ALKBH8: variants seen among roughly 807,000 people sequenced by gnomAD.
The protein encoded by ALKBH8 is tRNA (carboxymethyluridine(34)-5-O)-methyltransferase ALKBH8.
Under a neutral mutation model 59.8 loss-of-function variants are expected in ALKBH8, and 36 were observed. The observed-to-expected ratio is 0.60, with a 90% CI of 0.46 to 0.79. The LOEUF (loss-of-function observed/expected upper bound fraction) is 0.79. ALKBH8 is among the 30% of genes least tolerant of loss of function. The probability of loss-of-function intolerance (pLI) is 0.00; values close to 1 mark genes in which losing one functional copy is unlikely to be tolerated. For synonymous variants in ALKBH8, 276 were observed against 273.6 expected, an observed-to-expected ratio of 1.01 and a Z score of -0.09; for missense variants, 768 against 801.0, an observed-to-expected ratio of 0.96 and a Z score of 0.50.
At position 107,556,951 on chromosome 11, in the gene ALKBH8, A is replaced by G; in HGVS notation, c.182T>C (p.Leu61Pro). ...TCCACATTTCTCTAAAACCGGGAGC[A>G]GCTGGTTCCGACTCACACCATTACC... ...GLGNGVSRNQLLPVLEKCGLV... is the reference protein window; with the variant it reads ...GLGNGVSRNQPLPVLEKCGLV... The change falls in exon 3 of 12, where the codon CTG becomes CCG. Residue 61 changes from leucine (L) to proline (P), a missense_variant. Transcript: ENST00000428149. 2 of 1,611,310 alleles carry G rather than the reference A, an allele frequency of 1.2e-6. No individual in the cohort carries two copies. Among genetic ancestry groups the G allele is most frequent in the Non-Finnish European group, 1.7e-6 (2 of 1,178,604 alleles).
chr11:107,563,456 GTTTC>G (rs1169267072), intron 1 of ALKBH8: 2 of 152,102 alleles, frequency 1.3e-5, no homozygotes, highest in African/African-American at 2.4e-5. Flanking sequence ...CTGTGTTCCA[GTTTC>G]TTTATCTAGG....
intron 7 of ALKBH8, among the ~76,000 whole-genome samples, chr11:107,547,334 C>T (rs541751528): frequency 6.6e-6 from 1 of 152,274 alleles, no homozygotes; most frequent in East Asian, 1.9e-4. Flanking sequence ...GCACAAGTTG[C>T]AAGAGTGGAA....
intron 7 of ALKBH8, among the ~76,000 whole-genome samples, chr11:107,538,285 A>T (rs1013646093): frequency 6.6e-6 from 1 of 152,046 alleles, no homozygotes; most frequent in African/African-American, 2.4e-5. Flanking sequence ...TGAAAATTAC[A>T]TTTTTCCTAC....
intron 11 of ALKBH8, 38 bp from the exon 12 acceptor site, chr11:107,505,253 G>A: frequency 6.9e-7 from 1 of 1,452,116 alleles, no homozygotes; most frequent in East Asian, 2.5e-5. Flanking sequence ...CAACCTGGAA[G>A]AGACAGGAAA....
intron 7 of ALKBH8, among the ~76,000 whole-genome samples, chr11:107,546,688 T>A (rs1864271450): frequency 6.6e-6 from 1 of 152,198 alleles, no homozygotes; most frequent in African/African-American, 2.4e-5. Context: ...TTTTCTGCTG[T>A]TAATTGCAGC....
At chr11:107,505,554 A>G (rs890980156) in intron 11 of ALKBH8, among the ~76,000 whole-genome samples, 7 of 152,244 alleles carry the variant, frequency 4.6e-5, no homozygotes, top group Non-Finnish European at 7.3e-5. Flanking sequence ...AATCATTTAT[A>G]TAATGCTTTT....
Position 107,556,950 on chromosome 11 carries a change from C to G in ALKBH8, c.183G>C (p.Leu61=), listed in dbSNP as rs199545574. The change falls in exon 3 of 12, where the codon CTG becomes CTC. Residue 61 remains leucine (L), a synonymous_variant. Coordinates refer to ENST00000428149, the MANE Select transcript of ALKBH8 (RefSeq NM_138775.3). ...GLGNGVSRNQ[L]LPVLEKCGLV... ...GTCCACATTTCTCTAAAACCGGGAG[C>G]AGCTGGTTCCGACTCACACCATTAC... 4.1e-4 allele frequency: 660 copies of G among 1,610,808 alleles called. 7 individuals carry two copies. The South Asian group carries it at 5.9e-3, about 14-fold the overall frequency.
chr11:107,522,456 T>A lies in ALKBH8; in HGVS notation c.1130A>T (p.Gln377Leu), dbSNP rs770811496. The A allele has an allele frequency of 1.9e-6, 3 of 1,551,794 alleles. No individual in the cohort carries two copies. The South Asian group carries it at 3.6e-5, about 18-fold the overall frequency. ...GTGCCCAGCAATCTCTTCATAAACC[T>A]GATGGACGTACTCTTGCTCCAGCCG... ...ASRLEQEYVHQVYEEIAGHFS... is the reference protein window; with the variant it reads ...ASRLEQEYVHLVYEEIAGHFS... The change falls in exon 10 of 12, where the codon CAG becomes CTG. Residue 377 changes from glutamine (Q) to leucine (L), a missense_variant. Physicochemically the swap from Gln to Leu is moderately radical, Grantham distance 113. Transcript: ENST00000428149.
Position 107,539,395 on chromosome 11 carries a change from T to A in ALKBH8, c.772-6989A>T, listed in dbSNP as rs553030180. Among the ~76,000 whole-genome samples the A allele has an allele frequency of 1.3e-3, 199 of 151,928 alleles. 1 individual carries two copies. The highest frequency in any genetic ancestry group is 2.5e-3 in the Non-Finnish European group (167 of 67,932). On this transcript the variant is annotated intron_variant, in intron 7 of 11. Coordinates refer to ENST00000428149, the MANE Select transcript of ALKBH8 (RefSeq NM_138775.3). ...TGGGCAGATTACTTGAGGTCAGGAG[T>A]TTGAGACCAGCCTGGCCAACATGGT...
At chr11:107,521,946 G>A (rs1194323642) in intron 10 of ALKBH8, among the ~76,000 whole-genome samples, 7 of 152,028 alleles carry the variant, frequency 4.6e-5, no homozygotes, top group Non-Finnish European at 5.9e-5. Context: ...TACAAAAGAT[G>A]GATGAAAATA....
chr11:107,532,360 A>G lies in ALKBH8; in HGVS notation c.818T>C (p.Met273Thr). 2.5e-6 allele frequency: 4 copies of G among 1,613,782 alleles called. No individual in the cohort carries two copies. The highest frequency in any genetic ancestry group is 4.5e-5 in the East Asian group (2 of 44,854). ...KHPDGIAVPV[M>T]LPRRSLLVMT... ...CACCAGCAAACTCCGACGAGGCAAC[A>G]TAACTGGCACTGCAATGCCATCTGG... Residue 273 changes from methionine (M) to threonine (T), a missense_variant, in exon 8 of 12, where the codon ATG (methionine) becomes ACG (threonine). Transcript: ENST00000428149.
intron 2 of ALKBH8, among the ~76,000 whole-genome samples, chr11:107,558,006 T>C (rs545324799): frequency 7.7e-4 from 117 of 152,330 alleles, no homozygotes; most frequent in African/African-American, 2.7e-3. Flanking sequence ...AGGTAGATAG[T>C]AAATATTTTA....
rs377490154 is a variant in ALKBH8, at chr11:107,553,843, T to C, written c.499+4A>G. On this transcript the variant is annotated splice_donor_region_variant and intron_variant, in intron 4 of 11. Transcript: ENST00000428149. ...AAATATCAGATTTTGAAAGTTTTAC[T>C]TACAGTTTTGATTGTCTGTATCTTC... 5.4e-5 allele frequency: 86 copies of C among 1,606,798 alleles called. No individual in the cohort carries two copies. Among genetic ancestry groups the C allele is most frequent in the Non-Finnish European group, 7.0e-5 (82 of 1,177,716 alleles).
Position 107,505,011 on chromosome 11 carries a change from T to A in ALKBH8, c.1642A>T (p.Met548Leu), listed in dbSNP as rs989864551. The A allele has an allele frequency of 6.4e-7, 1 of 1,551,700 alleles. No individual in the cohort carries two copies. Among genetic ancestry groups the A allele is most frequent in the Non-Finnish European group, 8.7e-7 (1 of 1,146,980 alleles). ...GAAGATGCCGAGTCTCGACTGCCCA[T>A]GTCACGCATTTGCTCCACAAGTGAC... is the stretch of plus-strand genomic sequence containing the variant. Reference protein sequence around the residue: ...QRSLVEQMRDMGSRDSASSVP... With the variant: ...QRSLVEQMRDLGSRDSASSVP... The change falls in exon 12 of 12, where the codon ATG (methionine) becomes TTG (leucine). Residue 548 changes from methionine to leucine, a missense_variant. Coordinates refer to ENST00000428149, the MANE Select transcript of ALKBH8 (RefSeq NM_138775.3).
intron 11 of ALKBH8, among the ~76,000 whole-genome samples, chr11:107,507,427 T>A (rs574610058): frequency 1.3e-5 from 2 of 152,176 alleles, no homozygotes; most frequent in East Asian, 1.9e-4. Context: ...TTTTCCAAGT[T>A]GGGTTTAAGG....
Position 107,504,636 on chromosome 11 carries a change from T to C in ALKBH8, c.*22A>G. 1.3e-6 allele frequency: 2 copies of C among 1,539,168 alleles called. No individual in the cohort carries two copies. Among genetic ancestry groups the C allele is most frequent in the South Asian group, 1.2e-5 (1 of 81,898 alleles). ...TTTAAGTGAGCATTTCTTCTTTATA[T>C]ATGATGTGTTCAGGTAAATAATCAG... On this transcript the variant is annotated 3_prime_UTR_variant, in exon 12 of 12. Coordinates refer to ENST00000428149, the MANE Select transcript of ALKBH8 (RefSeq NM_138775.3).
intron 8 of ALKBH8, among the ~76,000 whole-genome samples, chr11:107,530,600 A>AACACACACACAC (rs66736211): frequency 2.8e-4 from 37 of 132,194 alleles, no homozygotes; most frequent in East Asian, 2.0e-3. Context: ...CTCTCTTCCT[A>AACACACACACAC]ACACACACAC....
chr11:107,545,886 C>A (rs604395), intron 7 of ALKBH8, among the ~76,000 whole-genome samples: 1 of 151,968 alleles, frequency 6.6e-6, no homozygotes, highest in African/African-American at 2.4e-5. Flanking sequence ...CATTAAACAT[C>A]TGAAAATCTG....
At chr11:107,531,714 C>T (rs1863602449) in intron 8 of ALKBH8, among the ~76,000 whole-genome samples, 1 of 152,204 alleles carries the variant, frequency 6.6e-6, no homozygotes, top group Non-Finnish European at 1.5e-5. Context: ...GCTTGGCCAA[C>T]TTTTTCTGTA....
Sources: gnomAD v4.1 joint callset for allele counts (sites outside exome capture counted in the v4.1 genomes callset) on GRCh38, gnomAD v4.1.1 for gene constraint, MANE v1.5 for transcripts, NCBI Gene and HGNC (gene_info 2026-07-23, HGNC 2026-07-21) for gene names.